C8B: variants seen among roughly 807,000 people sequenced by gnomAD.
C8B encodes complement C8 beta chain.
C8B carries 67 observed loss-of-function variants against 64.6 expected under a neutral mutation model. The observed-to-expected ratio is 1.04, with a 90% CI of 0.85 to 1.27. The LOEUF (loss-of-function observed/expected upper bound fraction) is 1.27. Ranked by LOEUF, C8B falls within the 50% of genes most tolerant of loss-of-function variation. The pLI is 0.00. For synonymous variants in C8B, 284 were observed against 257.7 expected, an observed-to-expected ratio of 1.10 and a Z score of -0.98; for missense variants, 790 against 725.2, an observed-to-expected ratio of 1.09 and a Z score of -1.03.
intron 6 of C8B, among the ~76,000 whole-genome samples, chr1:56,946,782 G>A (rs1411093044): frequency 6.6e-6 from 1 of 152,228 alleles, no homozygotes; most frequent in East Asian, 1.9e-4. Context: ...TACAACCCTA[G>A]GTGAGCATTC....
At chr1:56,958,353 T>C (rs1056051204) in intron 2 of C8B, among the ~76,000 whole-genome samples, 2 of 152,216 alleles carry the variant, frequency 1.3e-5, no homozygotes, top group Non-Finnish European at 2.9e-5. Flanking sequence ...ATTACCTTTA[T>C]GGCATCTATA....
intron 6 of C8B, among the ~76,000 whole-genome samples, chr1:56,949,050 T>C (rs115171615): frequency 9.4e-4 from 142 of 151,856 alleles, no homozygotes; most frequent in African/African-American, 3.4e-3. Flanking sequence ...AGAAAGATAA[T>C]TGGTTGTTAG....
intron 6 of C8B, among the ~76,000 whole-genome samples, chr1:56,947,462 T>G (rs1414821997): frequency 6.6e-6 from 1 of 152,212 alleles, no homozygotes; most frequent in African/African-American, 2.4e-5. Context: ...ATTTTCTCCC[T>G]TTTCTGCCCG....
At chr1:56,941,854 G>A (rs1267835921) in intron 8 of C8B, among the ~76,000 whole-genome samples, 1 of 152,196 alleles carries the variant, frequency 6.6e-6, no homozygotes, top group African/African-American at 2.4e-5. Flanking sequence ...CTCACCTGGT[G>A]GAAACTGAGT....
chr1:56,947,361 G>T (rs957074360), intron 6 of C8B, among the ~76,000 whole-genome samples: 1 of 152,132 alleles, frequency 6.6e-6, no homozygotes, highest in Admixed American at 6.6e-5. Context: ...AACCACGTAC[G>T]TCAGCATTCA....
intron 1 of C8B, chr1:56,963,934 C>G: frequency 1.0e-6 from 1 of 985,348 alleles, no homozygotes; most frequent in Non-Finnish European, 1.2e-6. Flanking sequence ...AAGGTGGTCT[C>G]AGCATTTTCT....
chr1:56,963,145 GA>G (rs1645201964), intron 1 of C8B, among the ~76,000 whole-genome samples: 1 of 152,148 alleles, frequency 6.6e-6, no homozygotes, highest in African/African-American at 2.4e-5. Flanking sequence ...TGGGGATGCA[GA>G]AAATGCTGTA....
chr1:56,929,720 C>T (rs1391841549), intron 11 of C8B, among the ~76,000 whole-genome samples, 162 bp from the exon 12 acceptor site: 3 of 152,154 alleles, frequency 2.0e-5, no homozygotes, highest in Non-Finnish European at 4.4e-5. Context: ...CTCTTGCCTA[C>T]CACAGGGCCT....
intron 4 of C8B, 36 bp downstream of exon 4, chr1:56,954,650 C>T (rs769221172): frequency 1.8e-5 from 29 of 1,612,358 alleles, no homozygotes; most frequent in African/African-American, 1.2e-4. Context: ...TAATGCTGTG[C>T]CTTCCCATCT....
intron 1 of C8B, among the ~76,000 whole-genome samples, chr1:56,964,453 G>C (rs865834319): frequency 6.6e-6 from 1 of 152,144 alleles, no homozygotes; most frequent in Non-Finnish European, 1.5e-5. Flanking sequence ...GCCCACTGAG[G>C]TGTCTGGAAG....
Position 56,940,911 on chromosome 1 carries a change from C to T in C8B, c.1336G>A (p.Ala446Thr), listed in dbSNP as rs1454127530. The T allele has an allele frequency of 1.2e-6, 2 of 1,614,112 alleles. No homozygotes were observed. Among genetic ancestry groups the T allele is most frequent in the South Asian group, 1.1e-5 (1 of 91,076 alleles). Residue 446 changes from alanine to threonine, a missense_variant, in exon 9 of 12, where the codon GCG (alanine) becomes ACG (threonine). Physicochemically the swap from Ala to Thr is moderately conservative, Grantham distance 58 (BLOSUM62 0). Coordinates refer to ENST00000371237, the MANE Select transcript of C8B (RefSeq NM_000066.4). ...TCTCCCCACTCCTGCATCAGGTCCG[C>T]CGTCGGCAGCTCCTGGTATGCCAGG... ...TTLAYQELPTADLMQEWGDAV... is the reference protein window; with the variant it reads ...TTLAYQELPTTDLMQEWGDAV...
At chr1:56,946,620 T>C (rs1644946712) in intron 6 of C8B, among the ~76,000 whole-genome samples, 3 of 152,246 alleles carry the variant, frequency 2.0e-5, no homozygotes, top group Admixed American at 1.3e-4. Context: ...CCAATGGCAG[T>C]GTTGAATAGT....
chr1:56,949,859 A>C, intron 5 of C8B, 107 bp from the exon 6 acceptor site: 1 of 806,014 alleles, frequency 1.2e-6, no homozygotes, highest in Non-Finnish European at 2.1e-6. Flanking sequence ...ATACTGAACT[A>C]GATGCTCTGG....
intron 1 of C8B, among the ~76,000 whole-genome samples, chr1:56,961,662 A>T (rs1173747483): frequency 6.6e-6 from 1 of 152,156 alleles, no homozygotes; most frequent in Non-Finnish European, 1.5e-5. Flanking sequence ...GAAGAGCATC[A>T]CGTAGTTTTC....
In C8B at chr1:56,933,404, C is replaced by A. The variant is rs1251031526; in HGVS notation, c.1483G>T (p.Glu495Ter). Residue 495 changes from glutamate to a stop codon, truncating the protein, a stop_gained, in exon 10 of 12, where the codon GAG becomes TAG. Transcript: ENST00000371237. LOFTEE classifies it high-confidence loss of function. ...CAGGAACTAACTTCCTTCTGGAACT[C>A]CTCCAGTGCCTGCTTCATGTTCTGC... is the stretch of plus-strand genomic sequence containing the variant. ...VRQNMKQALE[E>*]FQKEVSSCHC... 2 of 1,613,412 alleles carry A rather than the reference C, an allele frequency of 1.2e-6. No homozygotes were observed. Among genetic ancestry groups the A allele is most frequent in the Non-Finnish European group, 8.5e-7 (1 of 1,179,360 alleles).
intron 9 of C8B, among the ~76,000 whole-genome samples, chr1:56,938,060 T>C (rs1445796482): frequency 6.6e-6 from 1 of 152,276 alleles, no homozygotes; most frequent in African/African-American, 2.4e-5. Flanking sequence ...TAGTTTTCAA[T>C]GAGCTGTTCA....
chr1:56,937,781 T>C (rs1377097050), intron 9 of C8B, among the ~76,000 whole-genome samples: 1 of 152,232 alleles, frequency 6.6e-6, no homozygotes, highest in Admixed American at 6.5e-5. Flanking sequence ...TCCTGTGTTT[T>C]CATTTGCAAA....
chr1:56,956,714 A>C, intron 3 of C8B, 55 bp downstream of exon 3: 26 of 1,601,882 alleles, frequency 1.6e-5, no homozygotes, highest in East Asian at 2.2e-5. Flanking sequence ...CTTGGTCATC[A>C]AGAACCATTA....
At chr1:56,957,078 T>G (rs1416293365) in intron 2 of C8B, among the ~76,000 whole-genome samples, 168 bp from the exon 3 acceptor site, 1 of 152,142 alleles carries the variant, frequency 6.6e-6, no homozygotes, top group African/African-American at 2.4e-5. Flanking sequence ...TATATATACT[T>G]AAGGAGCTAT....
Sources: gnomAD v4.1 joint callset for allele counts (sites outside exome capture counted in the v4.1 genomes callset) on GRCh38, gnomAD v4.1.1 for gene constraint, MANE v1.5 for transcripts, NCBI Gene and HGNC (gene_info 2026-07-23, HGNC 2026-07-21) for gene names.